NEK9: variants seen among roughly 807,000 people sequenced by gnomAD.
NEK9 encodes the protein serine/threonine-protein kinase Nek9.
Under a neutral mutation model 123.4 loss-of-function variants are expected in NEK9, and 75 were observed. The ratio of observed to expected loss-of-function variants is 0.61; its 90% CI spans 0.50 to 0.74. The LOEUF (loss-of-function observed/expected upper bound fraction) is 0.74, where lower values mean the gene tolerates loss of function less well. Ranked by LOEUF, NEK9 falls within the 30% of genes least tolerant of loss-of-function variation. The pLI, the probability that NEK9 is intolerant of heterozygous loss-of-function variation, is 0.00. For missense variants in NEK9, 952 were observed against 1,214.4 expected (o/e 0.78, Z 3.21); for synonymous variants, 438 against 458.7 (o/e 0.95, Z 0.58).
chr14:75,108,558 T>C (rs1894859000), intron 10 of NEK9, among the ~76,000 whole-genome samples: 1 of 151,130 alleles, frequency 6.6e-6, no homozygotes, highest in African/African-American at 2.4e-5. Context: ...AGTATATATA[T>C]ATATTTTTTT....
At chr14:75,097,886 C>T (rs916110676) in intron 16 of NEK9, among the ~76,000 whole-genome samples, 1 of 152,124 alleles carries the variant, frequency 6.6e-6, no homozygotes, top group African/African-American at 2.4e-5. Context: ...AACAAGGAGA[C>T]CCCTGCAGCT....
intron 2 of NEK9, among the ~76,000 whole-genome samples, chr14:75,123,690 C>T (rs2139812743): frequency 6.6e-6 from 1 of 152,240 alleles, no homozygotes; most frequent in East Asian, 1.9e-4. Flanking sequence ...ATAAATATCA[C>T]CTATAAGATC....
At position 75,081,722 on chromosome 14, in the gene NEK9, G is replaced by A. The variant is rs1046421493; in HGVS notation, c.*2842C>T. ...TGTAACTTGGCTGTGCTATGCCAGG[G>A]AGACCAAATTCAGTTCAATCTCTTT... On this transcript the variant is annotated 3_prime_UTR_variant, in exon 22 of 22. Coordinates refer to ENST00000238616, the MANE Select transcript of NEK9 (RefSeq NM_033116.6). The surrounding 1 kb of genome is among the most constrained non-coding windows in gnomAD (Gnocchi z 4.2). 3 of 152,128 alleles carry A rather than the reference G, an allele frequency of 2.0e-5. No individual in the cohort carries two copies. The highest frequency in any genetic ancestry group is 7.2e-5 in the African/African-American group (3 of 41,412). 9.4% of individuals were successfully genotyped at this position (152,128 alleles called of 1,614,324 possible).
intron 3 of NEK9, 52 bp from the exon 4 acceptor site, chr14:75,120,632 T>A: frequency 7.4e-7 from 1 of 1,354,278 alleles, no homozygotes; most frequent in Non-Finnish European, 1.1e-6. Flanking sequence ...TCCATTTAAG[T>A]AAATACACAC....
intron 13 of NEK9, 151 bp from the exon 14 acceptor site, chr14:75,104,148 G>T: frequency 1.4e-6 from 1 of 697,596 alleles, no homozygotes. Context: ...TTTGCCCAGT[G>T]TCTTAGAGAC....
intron 10 of NEK9, among the ~76,000 whole-genome samples, chr14:75,108,678 C>T (rs552792780): frequency 6.6e-6 from 1 of 151,828 alleles, no homozygotes; most frequent in Admixed American, 6.6e-5. Flanking sequence ...CCTCAGCCTC[C>T]TGAGTAGCTG....
chr14:75,106,845 T>G (rs1894794284), intron 11 of NEK9, 143 bp from the exon 12 acceptor site: 2 of 646,264 alleles, frequency 3.1e-6, no homozygotes, highest in Non-Finnish European at 5.3e-6. Context: ...AAGGACAGAC[T>G]GTGCAAGTCT....
At position 75,123,409 on chromosome 14, in the gene NEK9, A is replaced by AT. The variant is rs1402128152; in HGVS notation, c.397+636_397+637insA. Among the ~76,000 whole-genome samples, 158 of 151,542 alleles carry AT rather than the reference A, an allele frequency of 1.0e-3. 1 individual carries two copies. The highest frequency in any genetic ancestry group is 2.7e-3 in the South Asian group (13 of 4,798). ...ACAAGAGTAAAACTCCATCTCAAAA[A>AT]AAATAATAATAATAATAAAAATAAA... On this transcript the variant is annotated intron_variant, in intron 2 of 21. Coordinates refer to ENST00000238616, the MANE Select transcript of NEK9 (RefSeq NM_033116.6).
Position 75,121,149 on chromosome 14 carries a change from A to G in NEK9, c.423T>C (p.Leu141=). Residue 141 remains leucine (L), a synonymous_variant, in exon 3 of 22, where the codon CTT becomes CTC. Coordinates refer to ENST00000238616, the MANE Select transcript of NEK9 (RefSeq NM_033116.6). ...CNGGNLYDKI[L]RQKDKLFEEE... ...CCTCAAACAACTTGTCCTTCTGACG[A>G]AGGATTTTGTCATACAGGTTCCCTC... 1 of 1,613,630 alleles carries G rather than the reference A, an allele frequency of 6.2e-7. No homozygotes were observed. The highest frequency in any genetic ancestry group is 8.5e-7 in the Non-Finnish European group (1 of 1,179,526).
At chr14:75,120,921 G>C in intron 3 of NEK9, 198 bp downstream of exon 3, 1 of 669,306 alleles carries the variant, frequency 1.5e-6, no homozygotes, top group South Asian at 1.6e-5. Context: ...GAATCATGAT[G>C]TGGAGGTAAA....
At chr14:75,110,178 A>C in intron 9 of NEK9, 143 bp downstream of exon 9, 1 of 667,560 alleles carries the variant, frequency 1.5e-6, no homozygotes. Context: ...TCTTCTTAGA[A>C]ATGACTGTCT....
At chr14:75,095,995 G>A (rs947687379) in intron 17 of NEK9, among the ~76,000 whole-genome samples, 1 of 152,080 alleles carries the variant, frequency 6.6e-6, no homozygotes, top group Non-Finnish European at 1.5e-5. Context: ...ATTCTTAAAA[G>A]CTTCTTGGCC....
chr14:75,117,117 A>C (rs538289776), intron 6 of NEK9, 78 bp downstream of exon 6: 1 of 1,465,674 alleles, frequency 6.8e-7, no homozygotes, highest in Non-Finnish European at 9.2e-7. Flanking sequence ...GAAGCCTGGG[A>C]ATAGAGTTGA....
chr14:75,088,854 A>G (rs923734538), intron 19 of NEK9, among the ~76,000 whole-genome samples: 2 of 152,176 alleles, frequency 1.3e-5, no homozygotes. Flanking sequence ...CTCAAAGAAC[A>G]CAGGCTGGAG....
intron 16 of NEK9, among the ~76,000 whole-genome samples, chr14:75,100,028 C>G (rs1361226249): frequency 6.9e-6 from 1 of 144,884 alleles, no homozygotes; most frequent in Non-Finnish European, 1.5e-5. Flanking sequence ...ACTCAGGAGG[C>G]TGAGGCACAA....
Position 75,117,110 on chromosome 14 carries a change from G to A in NEK9, c.762+85C>T, listed in dbSNP as rs981017214. ...AGGTTATTTTTGCCAGAAATCAGAA[G>A]CCTGGGAATAGAGTTGATCTGCTTA... On this transcript the variant is annotated intron_variant, in intron 6 of 21. Transcript: ENST00000238616. The A allele has an allele frequency of 2.1e-6, 3 of 1,429,794 alleles. No homozygotes were observed. In the Admixed American group the frequency reaches 6.9e-5, roughly 33 times the overall value. The allele number at this position is 1,429,794 out of a possible 1,614,324, so 88.6% of individuals were successfully genotyped here. A position where few individuals can be genotyped will look rare whatever the true frequency, so the allele number is the denominator to read the frequency against.
chr14:75,112,579 T>C (rs1456991368), intron 8 of NEK9, among the ~76,000 whole-genome samples: 1 of 152,090 alleles, frequency 6.6e-6, no homozygotes, highest in East Asian at 1.9e-4. Flanking sequence ...ATCCCAACAC[T>C]TTGGGAGGCT....
intron 1 of NEK9, among the ~76,000 whole-genome samples, chr14:75,125,060 C>G (rs1895476417): frequency 6.6e-6 from 1 of 151,890 alleles, no homozygotes; most frequent in African/African-American, 2.4e-5. Context: ...AGGCATGAGC[C>G]ACTGTGCCTC....
intron 21 of NEK9, 66 bp downstream of exon 21, chr14:75,086,952 T>G (rs175485): frequency 6.8e-7 from 1 of 1,468,876 alleles, no homozygotes; most frequent in Non-Finnish European, 9.5e-7. Context: ...TTCAGTACTT[T>G]GTGTTTTGTT....
Sources: gnomAD v4.1 joint callset for allele counts (sites outside exome capture counted in the v4.1 genomes callset) on GRCh38, gnomAD v4.1.1 for gene constraint, Gnocchi (gnomAD v3.1) non-coding constraint, MANE v1.5 for transcripts, NCBI Gene and HGNC (gene_info 2026-07-23, HGNC 2026-07-21) for gene names.